OTOGL: variants seen among roughly 807,000 people sequenced by gnomAD.
OTOGL encodes the protein otogelin-like protein.
A neutral mutation model predicts 318.5 loss-of-function variants in OTOGL; 285 were observed. That is an observed-to-expected ratio of 0.89 (90% CI 0.81 to 0.99). OTOGL has a LOEUF of 0.99. Among genes scored for constraint, OTOGL ranks in the 50% least tolerant of loss-of-function variants. The probability of loss-of-function intolerance (pLI) is 0.00; values close to 1 mark genes in which losing one functional copy is unlikely to be tolerated. For missense variants in OTOGL, 2,899 were observed against 2,845.6 expected (o/e 1.02, Z -0.43); for synonymous variants, 987 against 936.5 (o/e 1.05, Z -0.99).
At chr12:80,329,387 C>A (rs550758919) in intron 37 of OTOGL, among the ~76,000 whole-genome samples, 1 of 152,192 alleles carries the variant, frequency 6.6e-6, no homozygotes, top group Non-Finnish European at 1.5e-5. Context: ...CTACGTGCCT[C>A]ATTTTCTGAG....
chr12:80,271,464 AAAAATATCTTGTTTTTTGACTTCAG>A (rs1438208503), intron 23 of OTOGL, among the ~76,000 whole-genome samples, 159 bp from the exon 24 acceptor site: 1 of 152,108 alleles, frequency 6.6e-6, no homozygotes, highest in Non-Finnish European at 1.5e-5. Flanking sequence ...ATGAATTAAT[AAAAATATCTTGTTTTTTGACTTCAG>A]AAAATTATAT....
chr12:80,112,484 T>C (rs1869900146), intron 1 of OTOGL, among the ~76,000 whole-genome samples: 1 of 152,214 alleles, frequency 6.6e-6, no homozygotes, highest in South Asian at 2.1e-4. Flanking sequence ...AGGCCTTTTC[T>C]GCATCTATCG....
At chr12:80,170,876 TG>T (rs1476407930) in intron 1 of OTOGL, among the ~76,000 whole-genome samples, 1 of 152,248 alleles carries the variant, frequency 6.6e-6, no homozygotes, top group East Asian at 1.9e-4. Flanking sequence ...TTAATTTAGC[TG>T]AAGTTTAATT....
chr12:80,301,470 T>C (rs1314787472), intron 27 of OTOGL, among the ~76,000 whole-genome samples: 2 of 152,238 alleles, frequency 1.3e-5, no homozygotes, highest in African/African-American at 4.8e-5. Flanking sequence ...GATAACTTGG[T>C]TGCAAACGTC....
chr12:80,375,941 G>A (rs1891154807), intron 57 of OTOGL, among the ~76,000 whole-genome samples: 1 of 152,020 alleles, frequency 6.6e-6, no homozygotes, highest in Admixed American at 6.6e-5. Context: ...AGACTGAGGA[G>A]GAGCCATGAG....
At chr12:80,257,190 G>A (rs1882129077) in intron 17 of OTOGL, among the ~76,000 whole-genome samples, 1 of 152,022 alleles carries the variant, frequency 6.6e-6, no homozygotes, top group Non-Finnish European at 1.5e-5. Flanking sequence ...TAGGGAAGTT[G>A]AACTTGATAC....
rs34624616 is a variant in OTOGL, at chr12:80,339,409, C to T, written c.5050+145C>T. 2.9e-3 allele frequency: 1,874 copies of T among 650,596 alleles called. 22 individuals are homozygous for T. Among genetic ancestry groups the T allele is most frequent in the African/African-American group, 0.028 (1,422 of 50,922 alleles). The allele number at this position is 650,596 out of a possible 1,614,324, so 40.3% of individuals were successfully genotyped here. On this transcript the variant is annotated intron_variant, in intron 43 of 58. Coordinates refer to ENST00000547103, the MANE Select transcript of OTOGL (RefSeq NM_001378609.3). ...TTAACTTTCAGTTCCCATGTAAATA[C>T]GGAAGGAAGCAATGATTTTTCCATA...
chr12:80,302,816 T>G, intron 28 of OTOGL, 33 bp downstream of exon 28: 1 of 1,410,424 alleles, frequency 7.1e-7, no homozygotes, highest in Non-Finnish European at 9.3e-7. Context: ...TGAGATGTAA[T>G]GAATAAAATC....
chr12:80,192,439 C>T (rs933524175), intron 1 of OTOGL, among the ~76,000 whole-genome samples: 1 of 152,216 alleles, frequency 6.6e-6, no homozygotes, highest in Non-Finnish European at 1.5e-5. Context: ...TTTCTTTGCT[C>T]TCACCGTGTG....
At chr12:80,376,661 G>A (rs974672861) in intron 57 of OTOGL, among the ~76,000 whole-genome samples, 1 of 152,004 alleles carries the variant, frequency 6.6e-6, no homozygotes, top group African/African-American at 2.4e-5. Context: ...TTATATTAAT[G>A]TCCATTAAGA....
chr12:80,271,762 C>G lies in OTOGL; in HGVS notation c.2633C>G (p.Thr878Ser). The change falls in exon 24 of 59, where the codon ACC becomes AGC. Residue 878 changes from threonine (T) to serine (S), a missense_variant. Transcript: ENST00000547103. ...TGTGCAAACCTAGCCATGAACTTCA[C>G]CTGCACCCCATCCTCACCCTGTATA... Reference protein sequence around the residue: ...TTCANLAMNFTCTPSSPCISG... With the variant: ...TTCANLAMNFSCTPSSPCISG... 1 of 1,613,144 alleles carries G rather than the reference C, an allele frequency of 6.2e-7. No homozygotes were observed. Among genetic ancestry groups the G allele is most frequent in the Non-Finnish European group, 8.5e-7 (1 of 1,179,454 alleles).
Position 80,356,486 on chromosome 12 carries a change from C to T in OTOGL, c.5877C>T (p.His1959=), listed in dbSNP as rs1270164299. Residue 1959 remains histidine (H), a synonymous_variant, in exon 48 of 59, where the codon CAC becomes CAT. Transcript: ENST00000547103. ...CTNSQKLIVG[H]SPLSCCPQYK... is the part of the protein sequence containing the mutation. ...ATAGTCAAAAATTGATTGTTGGCCACAGTCCTCTTTCTTGCTGTCCACAGT... is the reference window on the plus strand; with the variant it reads ...ATAGTCAAAAATTGATTGTTGGCCATAGTCCTCTTTCTTGCTGTCCACAGT... The T allele has an allele frequency of 3.7e-6, 6 of 1,611,710 alleles. No homozygotes were observed. Among genetic ancestry groups the T allele is most frequent in the African/African-American group, 1.3e-5 (1 of 74,830 alleles).
intron 26 of OTOGL, among the ~76,000 whole-genome samples, chr12:80,283,806 T>A (rs551885316): frequency 6.6e-6 from 1 of 152,190 alleles, no homozygotes; most frequent in South Asian, 2.1e-4. Flanking sequence ...AGGAATATTG[T>A]TAAAATATGA....
intron 1 of OTOGL, among the ~76,000 whole-genome samples, chr12:80,137,258 G>A (rs758092989): frequency 5.3e-5 from 8 of 151,490 alleles, no homozygotes; most frequent in South Asian, 2.1e-4. Context: ...ATAGTATCTC[G>A]GTAGCAAAGA....
intron 11 of OTOGL, among the ~76,000 whole-genome samples, chr12:80,249,498 C>T (rs1288599468): frequency 1.3e-5 from 2 of 151,568 alleles, no homozygotes; most frequent in Non-Finnish European, 2.9e-5. Flanking sequence ...GTCAGGGACC[C>T]ACTTGAGGAG....
At chr12:80,233,375 T>G (rs1879553069) in intron 9 of OTOGL, among the ~76,000 whole-genome samples, 1 of 152,230 alleles carries the variant, frequency 6.6e-6, no homozygotes, top group Non-Finnish European at 1.5e-5. Flanking sequence ...TCGGGATACC[T>G]CTGTATCCAC....
chr12:80,351,462 C>T (rs553195970), intron 44 of OTOGL, among the ~76,000 whole-genome samples: 18 of 151,906 alleles, frequency 1.2e-4, no homozygotes, highest in East Asian at 3.9e-4. Context: ...ATTACAGGCA[C>T]GCGCCACCAC....
At chr12:80,136,696 A>G (rs1404220036) in intron 1 of OTOGL, among the ~76,000 whole-genome samples, 1 of 152,140 alleles carries the variant, frequency 6.6e-6, no homozygotes, top group East Asian at 1.9e-4. Flanking sequence ...AATGTCTCCT[A>G]CCAGGGAGGG....
At chr12:80,270,057 AAC>A in intron 22 of OTOGL, 43 bp from the exon 23 acceptor site, 2 of 1,417,250 alleles carry the variant, frequency 1.4e-6, no homozygotes, top group South Asian at 2.6e-5. Flanking sequence ...AAAAAAAAAA[AAC>A]AACAGATTTG....
Sources: allele counts gnomAD v4.1 joint callset (sites outside exome capture counted in the v4.1 genomes callset), GRCh38; gene constraint gnomAD v4.1.1; transcripts MANE v1.5; gene names NCBI Gene and HGNC (gene_info 2026-07-23, HGNC 2026-07-21).